The following ARB2A variants were observed in gnomAD, a reference collection of about 807,000 sequenced individuals.
ARB2A encodes the protein ARB2 cotranscriptional regulator A.
chr5:93,857,841 C>G, the ARB2A span, among the ~76,000 whole-genome samples: 1 of 152,226 alleles, frequency 6.6e-6, no homozygotes, highest in Middle Eastern at 3.2e-3. Flanking sequence ...AACCCGGTAC[C>G]TCAGATGGAA....
the ARB2A span, among the ~76,000 whole-genome samples, chr5:93,761,593 G>A: frequency 6.6e-6 from 1 of 152,224 alleles, no homozygotes; most frequent in Non-Finnish European, 1.5e-5. Context: ...CTCAGCTCAA[G>A]GAGGCCTGCC....
At chr5:93,924,961 G>T in the ARB2A span, among the ~76,000 whole-genome samples, 7 of 152,034 alleles carry the variant, frequency 4.6e-5, no homozygotes, top group Non-Finnish European at 8.8e-5. Context: ...CTTGGATACT[G>T]TCAAATGTAA....
At chr5:94,074,056 GC>G in the ARB2A span, among the ~76,000 whole-genome samples, 1 of 151,944 alleles carries the variant, frequency 6.6e-6, no homozygotes, top group African/African-American at 2.4e-5. Context: ...AGCCTCTTTT[GC>G]TACTTTCTGC....
At chr5:93,822,417 T>C in the ARB2A span, among the ~76,000 whole-genome samples, 2 of 152,172 alleles carry the variant, frequency 1.3e-5, no homozygotes, top group Non-Finnish European at 2.9e-5. Context: ...GGAATGTAAA[T>C]TTTAAGTTTG....
the ARB2A span, among the ~76,000 whole-genome samples, chr5:93,933,183 A>T: frequency 6.6e-6 from 1 of 152,208 alleles, no homozygotes; most frequent in Non-Finnish European, 1.5e-5. Flanking sequence ...GAGAAATAGG[A>T]ACACTTTTAA....
At chr5:93,980,125 G>A in the ARB2A span, among the ~76,000 whole-genome samples, 1 of 152,026 alleles carries the variant, frequency 6.6e-6, no homozygotes, top group Admixed American at 6.6e-5. Flanking sequence ...TTTCTTAGTT[G>A]CATCCCACTT....
At chr5:93,659,222 T>C in the ARB2A span, among the ~76,000 whole-genome samples, 2 of 151,800 alleles carry the variant, frequency 1.3e-5, no homozygotes, top group African/African-American at 2.4e-5. Flanking sequence ...TTAAACATGT[T>C]ATATTAAAAA....
chr5:94,109,480 T>C, the ARB2A span, among the ~76,000 whole-genome samples: 1 of 152,230 alleles, frequency 6.6e-6, no homozygotes, highest in Non-Finnish European at 1.5e-5. Context: ...GTGCTTACTT[T>C]TGTTAGAGCT....
the ARB2A span, chr5:94,055,631 A>G: frequency 2.0e-6 from 2 of 985,180 alleles, no homozygotes; most frequent in African/African-American, 3.5e-5. Flanking sequence ...ATATGTTGAC[A>G]ATTCTTCATT....
At chr5:93,855,246 T>G in the ARB2A span, among the ~76,000 whole-genome samples, 7 of 152,164 alleles carry the variant, frequency 4.6e-5, no homozygotes, top group Non-Finnish European at 8.8e-5. Flanking sequence ...CTTAGTTGGT[T>G]TAAAGTCTGT....
the ARB2A span, among the ~76,000 whole-genome samples, chr5:93,836,188 C>A: frequency 6.6e-6 from 1 of 152,180 alleles, no homozygotes; most frequent in Admixed American, 6.5e-5. Context: ...CCACCACGCC[C>A]GGCTAATTTT....
At chr5:94,048,409 G>T in the ARB2A span, among the ~76,000 whole-genome samples, 1 of 152,094 alleles carries the variant, frequency 6.6e-6, no homozygotes, top group Admixed American at 6.5e-5. Context: ...ATATATTTAG[G>T]TTATAAATGC....
chr5:93,792,053 G>A, the ARB2A span, among the ~76,000 whole-genome samples: 1 of 152,004 alleles, frequency 6.6e-6, no homozygotes, highest in South Asian at 2.1e-4. Context: ...GCGACTGTTT[G>A]AAAAACTTGC....
chr5:93,982,130 T>C, the ARB2A span, among the ~76,000 whole-genome samples: 17 of 152,234 alleles, frequency 1.1e-4, no homozygotes, highest in African/African-American at 3.9e-4. Context: ...CTTCAATATT[T>C]TCAGGCTGTG....
chr5:93,863,949 A>G, the ARB2A span: 1 of 152,106 alleles, frequency 6.6e-6, no homozygotes, highest in Non-Finnish European at 1.5e-5. Context: ...GCCCATAAGA[A>G]TATCAGCTTG....
At chr5:93,729,553 T>C in the ARB2A span, among the ~76,000 whole-genome samples, 17 of 152,226 alleles carry the variant, frequency 1.1e-4, no homozygotes, top group East Asian at 3.3e-3. Context: ...GTATTACATA[T>C]GGTCTACATA....
the ARB2A span, among the ~76,000 whole-genome samples, chr5:93,909,857 T>A: frequency 6.6e-6 from 1 of 150,956 alleles, no homozygotes; most frequent in Non-Finnish European, 1.5e-5. Flanking sequence ...TAAAGAGGGT[T>A]TTAAAAATTT....
the ARB2A span, among the ~76,000 whole-genome samples, chr5:93,697,274 C>T: frequency 4.6e-5 from 7 of 151,154 alleles, no homozygotes; most frequent in African/African-American, 1.7e-4. Flanking sequence ...TGGGTTTTGA[C>T]CCTTTCTATA....
chr5:93,865,816 T>A, the ARB2A span: 45 of 985,326 alleles, frequency 4.6e-5, no homozygotes, highest in Non-Finnish European at 7.2e-6. Context: ...GAGTCACTAC[T>A]TGCCGAATAG....
Sources: gnomAD v4.1 joint callset for allele counts (sites outside exome capture counted in the v4.1 genomes callset) on GRCh38, gnomAD v4.1.1 for gene constraint, MANE v1.5 for transcripts, NCBI Gene and HGNC (gene_info 2026-07-23, HGNC 2026-07-21) for gene names.